Variants in RSRC1 observed in about 807,000 individuals in gnomAD.
The protein encoded by RSRC1 is serine/Arginine-related protein 53.
Under a neutral mutation model 49.1 loss-of-function variants are expected in RSRC1, and 39 were observed. That is an observed-to-expected ratio of 0.79 (90% CI 0.61 to 1.04). The LOEUF is 1.04. Among genes scored for constraint, RSRC1 ranks in the 50% least tolerant of loss-of-function variants. RSRC1 has a pLI of 0.00. For missense variants in RSRC1, 388 were observed against 402.4 expected (o/e 0.96, Z 0.31); for synonymous variants, 143 against 130.8 (o/e 1.09, Z -0.63).
At chr3:158,444,839 C>T (rs1213939120) in intron 6 of RSRC1, among the ~76,000 whole-genome samples, 13 of 152,094 alleles carry the variant, frequency 8.5e-5, no homozygotes, top group South Asian at 2.1e-4. Context: ...AACAAATGGG[C>T]GAAGGATATG....
intron 4 of RSRC1, among the ~76,000 whole-genome samples, chr3:158,254,287 G>A (rs1374697357): frequency 6.6e-6 from 1 of 152,172 alleles, no homozygotes; most frequent in Non-Finnish European, 1.5e-5. Flanking sequence ...ACCCAGTAAT[G>A]GGATTGCTGG....
At chr3:158,518,143 TATA>T (rs1560073771) in intron 7 of RSRC1, among the ~76,000 whole-genome samples, 4 of 119,640 alleles carry the variant, frequency 3.3e-5, no homozygotes, top group East Asian at 2.1e-4. Flanking sequence ...TATATATATA[TATA>T]TATTTTTTTT....
intron 5 of RSRC1, among the ~76,000 whole-genome samples, chr3:158,348,670 T>C (rs1201156483): frequency 6.6e-6 from 1 of 152,122 alleles, no homozygotes; most frequent in East Asian, 1.9e-4. Context: ...GGGCTTCTAG[T>C]GTGTCATGAT....
intron 3 of RSRC1, among the ~76,000 whole-genome samples, chr3:158,135,121 AACCAAAATACCGT>A (rs1218049925): frequency 6.6e-6 from 1 of 152,216 alleles, no homozygotes; most frequent in Non-Finnish European, 1.5e-5. Context: ...ATATTTGATG[AACCAAAATACCGT>A]ACCAGCTAAT....
At chr3:158,435,054 A>G (rs1735976225) in intron 6 of RSRC1, among the ~76,000 whole-genome samples, 1 of 151,978 alleles carries the variant, frequency 6.6e-6, no homozygotes, top group African/African-American at 2.4e-5. Flanking sequence ...AATCAAAAAT[A>G]TTGGTAAAAT....
intron 4 of RSRC1, among the ~76,000 whole-genome samples, chr3:158,284,735 G>A (rs369823944): frequency 1.2e-4 from 19 of 152,030 alleles, no homozygotes; most frequent in African/African-American, 3.9e-4. Context: ...CTTTTTGATG[G>A]GGTTGTTTGT....
At chr3:158,451,492 G>A (rs548020786) in intron 6 of RSRC1, among the ~76,000 whole-genome samples, 50 of 151,776 alleles carry the variant, frequency 3.3e-4, no homozygotes, top group African/African-American at 1.2e-3. Context: ...TTTTCTTTCC[G>A]GTGTGACCTA....
chr3:158,442,968 A>G (rs1736463741), intron 6 of RSRC1, among the ~76,000 whole-genome samples: 1 of 152,074 alleles, frequency 6.6e-6, no homozygotes, highest in Non-Finnish European at 1.5e-5. Context: ...AAGCAATAAT[A>G]TTTTAAAAGA....
chr3:158,470,565 T>G (rs900539093), intron 7 of RSRC1, among the ~76,000 whole-genome samples: 1 of 152,106 alleles, frequency 6.6e-6, no homozygotes, highest in South Asian at 2.1e-4. Flanking sequence ...CTACAGTTGT[T>G]CCAGTATAAT....
At position 158,123,991 on chromosome 3, in the gene RSRC1, G is replaced by C. The variant is rs1348828697; in HGVS notation, c.320G>C (p.Arg107Thr). 7 of 1,580,640 alleles carry C rather than the reference G, an allele frequency of 4.4e-6. No individual in the cohort carries two copies. The highest frequency in any genetic ancestry group is 6.0e-6 in the Non-Finnish European group (7 of 1,164,642). The change falls in exon 3 of 10, where the codon AGG (arginine) becomes ACG (threonine). Residue 107 changes from arginine (R) to threonine (T), a missense_variant and splice_region_variant. By Grantham distance (71) the Arg-to-Thr change is moderately conservative. Coordinates refer to ENST00000611884, the MANE Select transcript of RSRC1 (RefSeq NM_001271838.2). ...TCTAGGTCAAAAAGCAGAACAAGAAGGTATGCCTTATTAAGTATTTATTGC... is the reference window on the plus strand; with the variant it reads ...TCTAGGTCAAAAAGCAGAACAAGAACGTATGCCTTATTAAGTATTTATTGC... ...QRSRSKSRTRRSRSRPRLRSH... is the reference protein window; with the variant it reads ...QRSRSKSRTRTSRSRPRLRSH...
chr3:158,347,768 G>A (rs1730635152), intron 5 of RSRC1, among the ~76,000 whole-genome samples: 1 of 152,058 alleles, frequency 6.6e-6, no homozygotes. Flanking sequence ...TGCCCAGGCT[G>A]GTCTTGAACT....
At chr3:158,408,634 G>A (rs889463513) in intron 6 of RSRC1, among the ~76,000 whole-genome samples, 2 of 152,110 alleles carry the variant, frequency 1.3e-5, no homozygotes, top group African/African-American at 4.8e-5. Flanking sequence ...TGATGACCTA[G>A]GAAAAAATAT....
intron 5 of RSRC1, among the ~76,000 whole-genome samples, chr3:158,313,021 T>C (rs1728214399): frequency 6.6e-6 from 1 of 152,192 alleles, no homozygotes; most frequent in African/African-American, 2.4e-5. Flanking sequence ...TTCCACATTA[T>C]GCTTTTATGC....
chr3:158,316,033 G>A (rs1422655679), intron 5 of RSRC1, among the ~76,000 whole-genome samples: 11 of 151,940 alleles, frequency 7.2e-5, no homozygotes, highest in South Asian at 2.1e-4. Flanking sequence ...TTAGCTGGGC[G>A]TGGTGGCATG....
At chr3:158,390,665 G>T (rs1040143986) in intron 6 of RSRC1, among the ~76,000 whole-genome samples, 2 of 151,992 alleles carry the variant, frequency 1.3e-5, no homozygotes, top group Non-Finnish European at 2.9e-5. Context: ...TACAGATAAG[G>T]AAACTAGGAA....
At position 158,308,961 on chromosome 3, in the gene RSRC1, A is replaced by G. The variant is rs556586049; in HGVS notation, c.531+10886A>G. Reference sequence around the variant, plus strand: ...AGGTAAATTAATGCACTGGGTTTCCATCTCAGCTTCATGCACAATTGTCAG... The same window carrying G: ...AGGTAAATTAATGCACTGGGTTTCCGTCTCAGCTTCATGCACAATTGTCAG... On this transcript the variant is annotated intron_variant, in intron 5 of 9. Coordinates refer to ENST00000611884, the MANE Select transcript of RSRC1 (RefSeq NM_001271838.2). Among the ~76,000 whole-genome samples the G allele has an allele frequency of 9.2e-5, 14 of 152,046 alleles. 1 individual carries two copies. In the South Asian group the frequency reaches 2.9e-3, roughly 32 times the overall value.
At chr3:158,344,667 CATAAG>C (rs1300822525) in intron 5 of RSRC1, among the ~76,000 whole-genome samples, 2 of 152,110 alleles carry the variant, frequency 1.3e-5, no homozygotes, top group African/African-American at 4.8e-5. Flanking sequence ...CCTGGGTTGA[CATAAG>C]AGAATAGAGA....
chr3:158,356,976 A>T (rs1261295958), intron 6 of RSRC1, among the ~76,000 whole-genome samples: 1 of 152,182 alleles, frequency 6.6e-6, no homozygotes, highest in African/African-American at 2.4e-5. Flanking sequence ...TCTAAATTGT[A>T]TCTAAGGATA....
At chr3:158,193,461 C>T (rs190487258) in intron 3 of RSRC1, among the ~76,000 whole-genome samples, 81 of 152,118 alleles carry the variant, frequency 5.3e-4, no homozygotes, top group Admixed American at 4.0e-3. Context: ...AATGTTTAAA[C>T]TAACTCACCT....
Sources: allele counts gnomAD v4.1 joint callset (sites outside exome capture counted in the v4.1 genomes callset), GRCh38; gene constraint gnomAD v4.1.1; transcripts MANE v1.5; gene names NCBI Gene and HGNC (gene_info 2026-07-23, HGNC 2026-07-21).